The following CSMD2 variants were observed in gnomAD, a reference collection of about 807,000 sequenced individuals.
The protein encoded by CSMD2 is CUB and sushi domain-containing protein 2.
In CSMD2, 130 loss-of-function variants were observed where a neutral mutation model predicts 398.5. The ratio of observed to expected loss-of-function variants is 0.33; its 90% confidence interval spans 0.28 to 0.38. The LOEUF is 0.38. Ranked by LOEUF, CSMD2 falls within the 10% of genes least tolerant of loss-of-function variation. The pLI, the probability that CSMD2 is intolerant of heterozygous loss-of-function variation, is 1.00. For missense variants in CSMD2, 3,829 were observed against 4,764.9 expected (o/e 0.80, Z 5.78); for synonymous variants, 1,828 against 1,908.5 (o/e 0.96, Z 1.10).
At chr1:33,627,485 C>T (rs879782076) in intron 32 of CSMD2, among the ~76,000 whole-genome samples, 16 of 152,172 alleles carry the variant, frequency 1.1e-4, no homozygotes, top group Admixed American at 9.8e-4. Flanking sequence ...TGACCCCAGA[C>T]CCCATTCTCA....
chr1:33,942,822 T>C (rs1644720050), intron 3 of CSMD2, among the ~76,000 whole-genome samples: 1 of 152,228 alleles, frequency 6.6e-6, no homozygotes, highest in African/African-American at 2.4e-5. Context: ...GTTTTTAGGT[T>C]TTTACTTCTG....
At chr1:33,961,002 T>C (rs1271109091) in intron 3 of CSMD2, among the ~76,000 whole-genome samples, 1 of 152,256 alleles carries the variant, frequency 6.6e-6, no homozygotes, top group African/African-American at 2.4e-5. Context: ...CTCCATCTCC[T>C]ACCATTCTCT....
rs61735686 is a variant in CSMD2, at chr1:33,725,350, C to G, written c.2694G>C (p.Glu898Asp). ...TTTCCTGAGCCCACTGAGACTCACT[C>G]TCATAGCGGAGCTGGAAGCCGATGT... ...HSDIGFQLRYETITLQSDHCL... is the reference protein window; with the variant it reads ...HSDIGFQLRYDTITLQSDHCL... The change falls in exon 17 of 71, where the codon GAG becomes GAC. Residue 898 changes from glutamate to aspartate, a missense_variant and splice_region_variant. Glu to Asp is a conservative substitution (Grantham distance 45). Coordinates refer to ENST00000373381, the MANE Select transcript of CSMD2 (RefSeq NM_001281956.2). 5.9e-3 allele frequency: 9,556 copies of G among 1,613,616 alleles called. 35 individuals are homozygous for G. Among genetic ancestry groups the G allele is most frequent in the Non-Finnish European group, 7.4e-3 (8,756 of 1,179,688 alleles).
At chr1:33,937,930 C>T (rs894115083) in intron 3 of CSMD2, among the ~76,000 whole-genome samples, 7 of 152,250 alleles carry the variant, frequency 4.6e-5, no homozygotes, top group African/African-American at 1.7e-4. Flanking sequence ...TAGTCTGGTT[C>T]ATAGGTATAT....
At chr1:34,105,887 G>A (rs567904701) in intron 1 of CSMD2, among the ~76,000 whole-genome samples, 19 of 152,228 alleles carry the variant, frequency 1.2e-4, no homozygotes, top group African/African-American at 3.9e-4. Context: ...TACCACTTCC[G>A]TGTTTGTTGC....
chr1:33,594,506 A>G (rs1246319616), intron 44 of CSMD2, among the ~76,000 whole-genome samples: 1 of 152,076 alleles, frequency 6.6e-6, no homozygotes, highest in Admixed American at 6.6e-5. Flanking sequence ...CCTCTTTTTT[A>G]TTTCTCTTGG....
Position 34,089,056 on chromosome 1 carries a change from G to T in CSMD2, c.325C>A (p.Gln109Lys). The T allele has an allele frequency of 6.2e-7, 1 of 1,614,174 alleles. No individual in the cohort carries two copies. Among genetic ancestry groups the T allele is most frequent in the Non-Finnish European group, 8.5e-7 (1 of 1,180,014 alleles). ...EEQHRIQLVF[Q>K]SFALEEDFDV... ...AAGTCCTCTTCCAGGGCAAAGGACT[G>T]GAACACAAGCTGGATTCTGTGCTGC... Residue 109 changes from glutamine to lysine, a missense_variant, in exon 2 of 71, where the codon CAG (glutamine) becomes AAG (lysine). Coordinates refer to ENST00000373381, the MANE Select transcript of CSMD2 (RefSeq NM_001281956.2).
At chr1:33,818,864 TG>T (rs1449031715) in intron 9 of CSMD2, among the ~76,000 whole-genome samples, 3 of 152,234 alleles carry the variant, frequency 2.0e-5, no homozygotes, top group Admixed American at 6.5e-5. Context: ...TTACTCTGCA[TG>T]AATTTTATCT....
chr1:33,801,439 GAGGCCCTGGAGGAAGA>G (rs1655596990), intron 10 of CSMD2, among the ~76,000 whole-genome samples: 1 of 152,146 alleles, frequency 6.6e-6, no homozygotes, highest in Admixed American at 6.5e-5. Context: ...CTAACAAGAG[GAGGCCCTGGAGGAAGA>G]AGGCCTGAAT....
chr1:33,769,388 G>A (rs1224273649), intron 13 of CSMD2, among the ~76,000 whole-genome samples: 1 of 152,172 alleles, frequency 6.6e-6, no homozygotes, highest in African/African-American at 2.4e-5. Context: ...GATGGAAAGT[G>A]GTATTACTTC....
intron 6 of CSMD2, among the ~76,000 whole-genome samples, chr1:33,832,801 A>C (rs1379535553): frequency 6.6e-6 from 1 of 151,984 alleles, no homozygotes; most frequent in Admixed American, 6.6e-5. Context: ...AGACACAATA[A>C]AAAATGATAA....
chr1:33,605,719 C>T (rs1640549025), intron 41 of CSMD2: 1 of 771,664 alleles, frequency 1.3e-6, no homozygotes, highest in Admixed American at 2.8e-5. Flanking sequence ...ATGGTGAAAG[C>T]TCAGTAAATA....
chr1:33,987,934 G>C (rs1364563608), intron 3 of CSMD2, among the ~76,000 whole-genome samples: 1 of 152,094 alleles, frequency 6.6e-6, no homozygotes. Context: ...TATTGCAACA[G>C]TCTCCTAGGA....
intron 27 of CSMD2, among the ~76,000 whole-genome samples, chr1:33,656,730 A>G (rs1456759101): frequency 6.6e-6 from 1 of 152,196 alleles, no homozygotes; most frequent in Admixed American, 6.5e-5. Flanking sequence ...TGGCTCTGCC[A>G]TATCCTAGCT....
rs1208797569 is a variant in CSMD2, at chr1:33,521,442, CG to C, written c.10597+20del. On this transcript the variant is annotated intron_variant, in intron 68 of 70. Transcript: ENST00000373381. ...TCCCACCCACCCGGGCCCACACTTC[CG>C]GGGGACAAGCACTAGTTACCCAGTC... 2 of 1,487,460 alleles carry C rather than the reference CG, an allele frequency of 1.3e-6. No individual in the cohort carries two copies. Among genetic ancestry groups the C allele is most frequent in the Non-Finnish European group, 1.9e-6 (2 of 1,064,756 alleles). 92.1% of individuals were successfully genotyped at this position (1,487,460 alleles called of 1,614,324 possible). A position where few individuals can be genotyped will look rare whatever the true frequency, so the allele number is the denominator to read the frequency against.
intron 12 of CSMD2, among the ~76,000 whole-genome samples, chr1:33,777,452 GA>G (rs1270205413): frequency 1.3e-5 from 2 of 152,296 alleles, no homozygotes; most frequent in East Asian, 3.9e-4. Flanking sequence ...GAAACACAGA[GA>G]CCACGGCCGC....
At chr1:33,742,588 C>G (rs1028183183) in intron 14 of CSMD2, among the ~76,000 whole-genome samples, 19 of 143,234 alleles carry the variant, frequency 1.3e-4, no homozygotes, top group East Asian at 4.4e-4. Flanking sequence ...CCCCCCCCCC[C>G]CCAACCCCCT....
chr1:33,681,044 C>A (rs1018601007), intron 25 of CSMD2, among the ~76,000 whole-genome samples: 1 of 148,994 alleles, frequency 6.7e-6, no homozygotes, highest in African/African-American at 2.5e-5. Flanking sequence ...CATGCCTCAG[C>A]CTCCTGAATA....
rs753453245 is a variant in CSMD2, at chr1:33,605,346, G to A, written c.6468C>T (p.His2156=). 4 of 1,614,066 alleles carry A rather than the reference G, an allele frequency of 2.5e-6. No homozygotes were observed. The highest frequency in any genetic ancestry group is 4.5e-5 in the East Asian group (2 of 44,896). ...ECLPGYQLTG[H]PVLTCQHGTN... ...TGCCATGTTGACACGTGAGGACAGG[G>A]TGGCCAGTCAATTGATACCCCGGGA... Residue 2156 remains histidine, a synonymous_variant, in exon 42 of 71, where the codon CAC becomes CAT. Coordinates refer to ENST00000373381, the MANE Select transcript of CSMD2 (RefSeq NM_001281956.2).
Sources: allele counts gnomAD v4.1 joint callset (sites outside exome capture counted in the v4.1 genomes callset), GRCh38; gene constraint gnomAD v4.1.1; transcripts MANE v1.5; gene names NCBI Gene and HGNC (gene_info 2026-07-23, HGNC 2026-07-21).